The following PRCP variants were observed in gnomAD, a reference collection of about 807,000 sequenced individuals.
The protein encoded by PRCP is lysosomal Pro-X carboxypeptidase.
In PRCP, 46 loss-of-function variants were observed where a neutral mutation model predicts 54.2. The observed-to-expected ratio is 0.85, with a 90% CI of 0.67 to 1.09. The LOEUF is 1.09. Ranked by LOEUF, PRCP falls within the 50% of genes least tolerant of loss-of-function variation. The pLI is 0.00. For missense variants in PRCP, 613 were observed against 596.8 expected, an observed-to-expected ratio of 1.03 and a Z score of -0.28; for synonymous variants, 240 against 212.2, an observed-to-expected ratio of 1.13 and a Z score of -1.14.
chr11:82,893,775 A>C (rs145021089), intron 1 of PRCP, among the ~76,000 whole-genome samples: 1 of 152,356 alleles, frequency 6.6e-6, no homozygotes, highest in East Asian at 1.9e-4. Flanking sequence ...CCTGAGTGAC[A>C]GAGCAAGATC....
chr11:82,835,711 G>T (rs1006234632), intron 8 of PRCP: 3 of 328,118 alleles, frequency 9.1e-6, no homozygotes, highest in African/African-American at 4.4e-5. Flanking sequence ...TAGATGACTT[G>T]AACTTCTTTA....
intron 1 of PRCP, among the ~76,000 whole-genome samples, chr11:82,895,190 T>C (rs1860091356): frequency 1.3e-5 from 2 of 152,218 alleles, no homozygotes; most frequent in Non-Finnish European, 2.9e-5. Flanking sequence ...AACAAACTTA[T>C]GGTATAGGTA....
intron 1 of PRCP, among the ~76,000 whole-genome samples, chr11:82,876,397 T>C (rs1859603409): frequency 1.3e-5 from 2 of 152,236 alleles, no homozygotes; most frequent in African/African-American, 4.8e-5. Flanking sequence ...TACTGTGGTA[T>C]TAAACAAAAC....
At chr11:82,854,645 G>GA (rs60715174) in intron 2 of PRCP, among the ~76,000 whole-genome samples, 15 of 150,298 alleles carry the variant, frequency 1.0e-4, no homozygotes, top group East Asian at 1.9e-4. Context: ...ACAGAGTTAG[G>GA]AAAAAAAAAC....
intron 8 of PRCP, among the ~76,000 whole-genome samples, chr11:82,834,262 T>G (rs927041341): frequency 6.6e-6 from 1 of 152,234 alleles, no homozygotes; most frequent in African/African-American, 2.4e-5. Flanking sequence ...GCTATAGCAG[T>G]GCTAGTGGAC....
chr11:82,849,318 T>C, intron 5 of PRCP, 100 bp from the exon 6 acceptor site: 1 of 1,279,206 alleles, frequency 7.8e-7, no homozygotes, highest in South Asian at 1.5e-5. Context: ...AAACTCAATC[T>C]TTTATACCCC....
chr11:82,834,464 T>A (rs1319097254), intron 8 of PRCP, among the ~76,000 whole-genome samples: 1 of 152,206 alleles, frequency 6.6e-6, no homozygotes, highest in Non-Finnish European at 1.5e-5. Context: ...GAACAAGGAA[T>A]ACAACGTAAG....
At chr11:82,863,317 G>A (rs1424194315) in intron 1 of PRCP, among the ~76,000 whole-genome samples, 1 of 152,206 alleles carries the variant, frequency 6.6e-6, no homozygotes, top group African/African-American at 2.4e-5. Flanking sequence ...CATGCTGAAT[G>A]AGACTCTGGT....
At chr11:82,889,732 G>A (rs1427204306) in intron 1 of PRCP, among the ~76,000 whole-genome samples, 1 of 152,234 alleles carries the variant, frequency 6.6e-6, no homozygotes, top group Non-Finnish European at 1.5e-5. Context: ...ATGGGCATAT[G>A]TGGTGAATAG....
intron 7 of PRCP, among the ~76,000 whole-genome samples, chr11:82,838,859 G>C (rs1858592982): frequency 6.6e-6 from 1 of 152,160 alleles, no homozygotes; most frequent in Non-Finnish European, 1.5e-5. Context: ...TGCAAGGAAA[G>C]TTTATTATTA....
chr11:82,898,858 C>A (rs908161609), intron 1 of PRCP, among the ~76,000 whole-genome samples: 1 of 152,194 alleles, frequency 6.6e-6, no homozygotes, highest in Non-Finnish European at 1.5e-5. Flanking sequence ...AAAATTGTTT[C>A]TTGGCTGGGG....
At position 82,859,970 on chromosome 11, in the gene PRCP, C is replaced by T; in HGVS notation, c.309+7G>A. On this transcript the variant is annotated splice_region_variant and intron_variant, in intron 2 of 8. Transcript: ENST00000313010. Reference sequence around the variant, plus strand: ...TGAGCACTGGAATTTCATGAATCTGCACATACCGTGTTATTACAAAACCAG... The same window carrying T: ...TGAGCACTGGAATTTCATGAATCTGTACATACCGTGTTATTACAAAACCAG... The T allele has an allele frequency of 1.3e-6, 2 of 1,571,526 alleles. No homozygotes were observed. The highest frequency in any genetic ancestry group is 1.7e-6 in the Non-Finnish European group (2 of 1,162,552).
chr11:82,847,634 T>C (rs1858838770), intron 6 of PRCP, among the ~76,000 whole-genome samples: 1 of 152,162 alleles, frequency 6.6e-6, no homozygotes, highest in African/African-American at 2.4e-5. Context: ...TGACGCAGGA[T>C]CTAGCTCTGT....
intron 8 of PRCP, chr11:82,828,752 A>C (rs1858304640): frequency 6.6e-6 from 1 of 152,198 alleles, no homozygotes; most frequent in African/African-American, 2.4e-5. Flanking sequence ...TTGTTCCCCT[A>C]AACTTCAGAA....
Position 82,839,402 on chromosome 11 carries a change from AT to A in PRCP, c.944del (p.Asn315IlefsTer17). ...PIKVVCQYLK[N>X]PNVSDSLLLQ... ...GCAGCAGTGAATCAGATACATTGGG[AT>A]TTTTCAAATACTGGCACACTACCTG... On this transcript the variant is annotated frameshift_variant, in exon 7 of 9. Transcript: ENST00000313010. LOFTEE classifies it high-confidence loss of function. 6.2e-7 allele frequency: 1 copy of A among 1,612,826 alleles called. No homozygotes were observed. The highest frequency in any genetic ancestry group is 8.5e-7 in the Non-Finnish European group (1 of 1,179,242).
At chr11:82,884,129 C>T (rs775911497) in intron 1 of PRCP, among the ~76,000 whole-genome samples, 12 of 152,222 alleles carry the variant, frequency 7.9e-5, no homozygotes, top group Non-Finnish European at 1.8e-4. Flanking sequence ...CAAATGATAA[C>T]AAGTACTTCC....
At chr11:82,885,770 T>C (rs1859849483) in intron 1 of PRCP, among the ~76,000 whole-genome samples, 1 of 152,158 alleles carries the variant, frequency 6.6e-6, no homozygotes, top group Admixed American at 6.5e-5. Context: ...CAGCATGGAT[T>C]AGAGACTTTT....
At chr11:82,871,950 A>G (rs1202651642) in intron 1 of PRCP, among the ~76,000 whole-genome samples, 2 of 152,204 alleles carry the variant, frequency 1.3e-5, no homozygotes, top group Non-Finnish European at 2.9e-5. Context: ...GACCTTATCC[A>G]TGGTTTTGCT....
At chr11:82,843,991 A>G (rs1030097888) in intron 6 of PRCP, among the ~76,000 whole-genome samples, 5 of 142,026 alleles carry the variant, frequency 3.5e-5, no homozygotes, top group African/African-American at 1.2e-4. Flanking sequence ...TGATGTGGGA[A>G]AAAAAAAAAA....
Sources: gnomAD v4.1 joint callset for allele counts (sites outside exome capture counted in the v4.1 genomes callset) on GRCh38, gnomAD v4.1.1 for gene constraint, MANE v1.5 for transcripts, NCBI Gene and HGNC (gene_info 2026-07-23, HGNC 2026-07-21) for gene names.